The following PGGHG variants were observed in gnomAD, a reference collection of about 807,000 sequenced individuals.
PGGHG encodes the protein protein-glucosylgalactosylhydroxylysine glucosidase, also known as ATH1, acid trehalase-like 1.
PGGHG carries 67 observed loss-of-function variants against 74.5 expected under a neutral mutation model. That is an observed-to-expected ratio of 0.90 (90% CI 0.74 to 1.10). PGGHG has a LOEUF of 1.10. PGGHG is among the 50% of genes least tolerant of loss of function. The probability of loss-of-function intolerance (pLI) is 0.00; values close to 1 mark genes in which losing one functional copy is unlikely to be tolerated. For missense variants in PGGHG, 1,034 were observed against 981.5 expected, an observed-to-expected ratio of 1.05 and a Z score of -0.72; for synonymous variants, 496 against 419.9, an observed-to-expected ratio of 1.18 and a Z score of -2.21.
intron 6 of PGGHG, 91 bp downstream of exon 6, chr11:292,768 C>T (rs1301327437): frequency 6.2e-7 from 1 of 1,607,028 alleles, no homozygotes; most frequent in African/African-American, 1.3e-5. Context: ...GGGGCTGGTC[C>T]TGGGAAGCTG....
At chr11:290,174 A>G in intron 2 of PGGHG, 99 bp downstream of exon 2, 1 of 1,436,672 alleles carries the variant, frequency 7.0e-7, no homozygotes, top group Non-Finnish European at 9.2e-7. Flanking sequence ...CTGAGTTTAC[A>G]CAGGAAGTCT....
At chr11:290,234 C>G (rs1213950995) in intron 2 of PGGHG, among the ~76,000 whole-genome samples, 156 bp from the exon 3 acceptor site, 1 of 152,162 alleles carries the variant, frequency 6.6e-6, no homozygotes, top group Admixed American at 6.5e-5. Flanking sequence ...CTTCCCTCCA[C>G]CTGGAGGCCT....
At position 292,435 on chromosome 11, in the gene PGGHG, G is replaced by T. The variant is rs1274998710; in HGVS notation, c.1027-111G>T. On this transcript the variant is annotated intron_variant, in intron 5 of 13. Transcript: ENST00000409548. ...GCCTTCTAGCAGTAGCACCCGCCAGGGTACCTGGCGCAGGCCGAGCCCCCC... is the reference window on the plus strand; with the variant it reads ...GCCTTCTAGCAGTAGCACCCGCCAGTGTACCTGGCGCAGGCCGAGCCCCCC... The T allele has an allele frequency of 8.6e-6, 12 of 1,396,504 alleles. No homozygotes were observed. The South Asian group carries it at 1.4e-4, about 17-fold the overall frequency. The allele number at this position is 1,396,504 out of a possible 1,614,324, so 86.5% of individuals were successfully genotyped here.
rs769508157 is a variant in PGGHG, at chr11:293,742, G to T, written c.1614+15G>T. 7 of 1,613,238 alleles carry T rather than the reference G, an allele frequency of 4.3e-6. No homozygotes were observed. In the Admixed American group the frequency reaches 1.0e-4, roughly 23 times the overall value. On this transcript the variant is annotated intron_variant, in intron 10 of 13. Transcript: ENST00000409548. ...CCATGACCTGGGTGAGCACCCTGGGGCTGTGGAGTTCCTACCCCATTGGCC... is the reference window on the plus strand; with the variant it reads ...CCATGACCTGGGTGAGCACCCTGGGTCTGTGGAGTTCCTACCCCATTGGCC...
rs1845670828 is a variant in PGGHG, at chr11:290,072, A to T, written c.256A>T (p.Thr86Ser). 1 of 1,527,030 alleles carries T rather than the reference A, an allele frequency of 6.5e-7. No individual in the cohort carries two copies. The allele number at this position is 1,527,030 out of a possible 1,614,324, so 94.6% of individuals were successfully genotyped here. A position where few individuals can be genotyped will look rare whatever the true frequency, so the allele number is the denominator to read the frequency against. ...CGAGACCTTCGCCCTGGACACCAAC[A>T]CAGGTAGCGCCACCTGGCCTGCCTC... ...LTETFALDTN[T>S]GSFLHTLEGP... is the part of the protein sequence containing the mutation. Residue 86 changes from threonine to serine, a missense_variant, in exon 2 of 14, where the codon ACA (threonine) becomes TCA (serine). Physicochemically the swap from Thr to Ser is moderately conservative, Grantham distance 58 (BLOSUM62 1). Transcript: ENST00000409548.
In PGGHG at chr11:292,022, C is replaced by CCA; in HGVS notation, c.954_955dup (p.Arg319ThrfsTer38). 1 of 1,608,404 alleles carries CCA rather than the reference C, an allele frequency of 6.2e-7. No individual in the cohort carries two copies. The highest frequency in any genetic ancestry group is 1.3e-5 in the African/African-American group (1 of 74,956). On this transcript the variant is annotated frameshift_variant, in exon 5 of 14. Transcript: ENST00000409548. LOFTEE classifies it high-confidence loss of function. Reference sequence around the variant, plus strand: ...ATCCTGATGTTCCACCCAGAAGCCGCCAGGGCCATCCTGGAGTACCGCATC... The same window carrying CCA: ...ATCCTGATGTTCCACCCAGAAGCCGCCACAGGGCCATCCTGGAGTACCGCATC...
Position 295,588 on chromosome 11 carries a change from T to G in PGGHG, c.*839T>G, listed in dbSNP as rs1347466863. ...GCAGTTTCCCAAGAACAAGATGTGA[T>G]GGCATCTGCTGCTGAAACCCTGATG... On this transcript the variant is annotated 3_prime_UTR_variant, in exon 14 of 14. Coordinates refer to ENST00000409548, the MANE Select transcript of PGGHG (RefSeq NM_025092.5). The G allele has an allele frequency of 6.6e-6, 1 of 152,312 alleles. No homozygotes were observed. The highest frequency in any genetic ancestry group is 1.5e-5 in the Non-Finnish European group (1 of 68,066). 9.4% of individuals were successfully genotyped at this position (152,312 alleles called of 1,614,324 possible). A position where few individuals can be genotyped will look rare whatever the true frequency, so the allele number is the denominator to read the frequency against.
At position 289,855 on chromosome 11, in the gene PGGHG, C is replaced by G; in HGVS notation, c.39C>G (p.Ala13=). 1 of 1,551,082 alleles carries G rather than the reference C, an allele frequency of 6.4e-7. No individual in the cohort carries two copies. The stretch of plus-strand genomic sequence containing the variant: ...GCGAGGACCCCACCACGTTTGCTGC[C>G]CACTCTCTGCCCAGTGACCCCCGTC... ...DAGEDPTTFA[A]HSLPSDPRLL... is the part of the protein sequence containing the mutation. The change falls in exon 2 of 14, where the codon GCC becomes GCG. Residue 13 remains alanine (A), a synonymous_variant. Coordinates refer to ENST00000409548, the MANE Select transcript of PGGHG (RefSeq NM_025092.5). This position sits in a 1 kb window ranked among gnomAD's most constrained non-coding sequence, Gnocchi z 5.6.
chr11:293,127 T>C (rs767688976), intron 7 of PGGHG, 36 bp from the exon 8 acceptor site: 4 of 1,613,616 alleles, frequency 2.5e-6, no homozygotes, highest in Non-Finnish European at 3.4e-6. Context: ...CCTCTGAGAC[T>C]CTGCACTGAG....
chr11:291,881 G>A (rs1004833782), intron 4 of PGGHG, 95 bp from the exon 5 acceptor site: 54 of 1,467,886 alleles, frequency 3.7e-5, no homozygotes, highest in African/African-American at 3.5e-4. Context: ...CCCAGAAGAC[G>A]CCAGCGATGG....
rs763779735 is a variant in PGGHG at position 291,021 on chromosome 11, G to A, written c.814G>A (p.Ala272Thr). Residue 272 changes from alanine (A) to threonine (T), a missense_variant, in exon 4 of 14, where the codon GCC (alanine) becomes ACC (threonine). Physicochemically the swap from Ala to Thr is moderately conservative, Grantham distance 58. Transcript: ENST00000409548. Reference protein sequence around the residue: ...YLLSALPQPKAPGYICHGLSP... With the variant: ...YLLSALPQPKTPGYICHGLSP... The stretch of plus-strand genomic sequence containing the variant: ...GCTCAGTGCCCTGCCCCAGCCCAAG[G>A]CCCCAGGATACATCTGCCATGGCCT... The A allele has an allele frequency of 1.2e-6, 2 of 1,612,362 alleles. No individual in the cohort carries two copies. Among genetic ancestry groups the A allele is most frequent in the African/African-American group, 1.3e-5 (1 of 74,926 alleles).
At chr11:290,633 T>A in intron 3 of PGGHG, 33 bp downstream of exon 3, 1 of 1,603,238 alleles carries the variant, frequency 6.2e-7, no homozygotes, top group East Asian at 2.3e-5. Context: ...AGCCAGGGAG[T>A]CCAGGGAGGG....
rs1246193449 is a variant in PGGHG, at chr11:294,693, A to C, written c.2158A>C (p.Thr720Pro). Residue 720 changes from threonine to proline, a missense_variant, in exon 14 of 14, where the codon ACC becomes CCC. Thr to Pro is a conservative substitution (Grantham distance 38, BLOSUM62 -1). Coordinates refer to ENST00000409548, the MANE Select transcript of PGGHG (RefSeq NM_025092.5). ...CCCGCTCCAGAGCCCCCTCTGGGTC[A>C]CCCTGGGTTCCTCCAGCCCCACCGA... The part of the protein sequence containing the change: ...RDPLQSPLWV[T>P]LGSSSPTESL... 1 of 1,612,830 alleles carries C rather than the reference A, an allele frequency of 6.2e-7. No individual in the cohort carries two copies. The highest frequency in any genetic ancestry group is 8.5e-7 in the Non-Finnish European group (1 of 1,179,708).
At chr11:291,208 A>G in intron 4 of PGGHG, 95 bp downstream of exon 4, 1 of 1,418,138 alleles carries the variant, frequency 7.1e-7, no homozygotes, top group Non-Finnish European at 9.5e-7. Context: ...TGGTTGGGGA[A>G]GCACAGGGAC....
At chr11:293,946 C>G in intron 11 of PGGHG, 21 bp downstream of exon 11, 1 of 1,605,882 alleles carries the variant, frequency 6.2e-7, no homozygotes, top group Non-Finnish European at 8.5e-7. Context: ...CCACACCTGC[C>G]TCCCACTGGG....
At chr11:291,810 G>A in intron 4 of PGGHG, 166 bp from the exon 5 acceptor site, 1 of 1,023,452 alleles carries the variant, frequency 9.8e-7, no homozygotes, top group South Asian at 1.7e-5. Context: ...CTGGGCTGGA[G>A]ACAGAACTGG....
At position 291,075 on chromosome 11, in the gene PGGHG, C is replaced by A. The variant is rs781373330; in HGVS notation, c.868C>A (p.Arg290Ser). The part of the protein sequence containing the change: ...LSPGGLSNGS[R>S]EECYWGHVFW... ...TCCTGGGGGCCTCTCCAATGGGAGC[C>A]GTGAGGAATGCTACTGGGGCCACGT... The change falls in exon 4 of 14, where the codon CGT (arginine) becomes AGT (serine). Residue 290 changes from arginine (R) to serine (S), a missense_variant. Arg to Ser is a moderately radical substitution (Grantham distance 110). Coordinates refer to ENST00000409548, the MANE Select transcript of PGGHG (RefSeq NM_025092.5). 3 of 1,603,876 alleles carry A rather than the reference C, an allele frequency of 1.9e-6. No individual in the cohort carries two copies. Among genetic ancestry groups the A allele is most frequent in the South Asian group, 2.2e-5 (2 of 90,414 alleles).
At position 289,805 on chromosome 11, in the gene PGGHG, C is replaced by T; in HGVS notation, c.-12C>T. 2 of 1,546,872 alleles carry T rather than the reference C, an allele frequency of 1.3e-6. No individual in the cohort carries two copies. The highest frequency in any genetic ancestry group is 1.2e-5 in the South Asian group (1 of 83,562). ...CTGACACCCCATCAGGCCGCTCAGG[C>T]CCAGCAGCTCCATGGAGGACGCCGG... On this transcript the variant is annotated splice_region_variant and 5_prime_UTR_variant, in exon 2 of 14. Transcript: ENST00000409548. The surrounding 1 kb of genome is among the most constrained non-coding windows in gnomAD (Gnocchi z 5.6).
In PGGHG at chr11:292,940, G is replaced by A. The variant is rs746199014; in HGVS notation, c.1213G>A (p.Glu405Lys). ...GGWDVVRAVA[E>K]FWCSRVEWSP... ...CTGGGACGTGGTCAGGGCTGTGGCC[G>A]AGTTTTGGTGCAGTCGTGTTGAGTG... The change falls in exon 7 of 14, where the codon GAG becomes AAG. Residue 405 changes from glutamate (E) to lysine (K), a missense_variant. Physicochemically the swap from Glu to Lys is moderately conservative, Grantham distance 56. Transcript: ENST00000409548. 1.3e-5 allele frequency: 21 copies of A among 1,614,134 alleles called. No individual in the cohort carries two copies. The highest frequency in any genetic ancestry group is 1.7e-5 in the Non-Finnish European group (20 of 1,180,014).
Sources: gnomAD v4.1 joint callset for allele counts (sites outside exome capture counted in the v4.1 genomes callset) on GRCh38, gnomAD v4.1.1 for gene constraint, Gnocchi (gnomAD v3.1) non-coding constraint, MANE v1.5 for transcripts, NCBI Gene and HGNC (gene_info 2026-07-23, HGNC 2026-07-21) for gene names.